Variants in STK32B observed in about 807,000 individuals in gnomAD.
STK32B encodes serine/threonine-protein kinase 32B.
A neutral mutation model predicts 52.6 loss-of-function variants in STK32B; 43 were observed. The observed-to-expected ratio is 0.82, with a 90% CI of 0.64 to 1.05. The LOEUF is 1.05. Among genes scored for constraint, STK32B ranks in the 50% least tolerant of loss-of-function variants. STK32B has a pLI of 0.00. For missense variants in STK32B, 621 were observed against 534.6 expected (o/e 1.16, Z -1.59); for synonymous variants, 238 against 204.3 (o/e 1.17, Z -1.41).
chr4:5,239,091 C>T (rs1367095343), intron 3 of STK32B, among the ~76,000 whole-genome samples: 3 of 152,062 alleles, frequency 2.0e-5, no homozygotes, highest in Non-Finnish European at 4.4e-5. Flanking sequence ...GCTGCAGGAG[C>T]AGTGCATGGG....
chr4:5,028,729 G>A, the STK32B span, among the ~76,000 whole-genome samples: 1 of 152,178 alleles, frequency 6.6e-6, no homozygotes, highest in Non-Finnish European at 1.5e-5. Flanking sequence ...TGTTACAGCA[G>A]TGTAATCTAG....
intron 6 of STK32B, among the ~76,000 whole-genome samples, chr4:5,419,526 C>T (rs1266882752): frequency 6.6e-6 from 1 of 152,216 alleles, no homozygotes; most frequent in Non-Finnish European, 1.5e-5. Context: ...CTACCAGCTT[C>T]AGCCGCTGTT....
intron 1 of STK32B, among the ~76,000 whole-genome samples, chr4:5,120,480 T>A (rs1714968474): frequency 1.3e-5 from 2 of 152,246 alleles, no homozygotes; most frequent in South Asian, 4.1e-4. Context: ...ATTGTTAATT[T>A]CTTACTGTGC....
At chr4:5,083,864 G>A (rs1712572353) in intron 1 of STK32B, among the ~76,000 whole-genome samples, 1 of 151,842 alleles carries the variant, frequency 6.6e-6, no homozygotes, top group Non-Finnish European at 1.5e-5. Context: ...GGCCTCCCAA[G>A]TACTGAGGTT....
chr4:5,071,814 G>T (rs1711796864), intron 1 of STK32B, among the ~76,000 whole-genome samples: 1 of 152,118 alleles, frequency 6.6e-6, no homozygotes, highest in Non-Finnish European at 1.5e-5. Flanking sequence ...TTAAACTGTG[G>T]CTATAAATCT....
At position 5,467,889 on chromosome 4, in the gene STK32B, C is replaced by A; in HGVS notation, c.1042-117C>A. On this transcript the variant is annotated intron_variant, in intron 10 of 11. Transcript: ENST00000282908. The surrounding 1 kb of genome is among the most constrained non-coding windows in gnomAD (Gnocchi z 5.8). ...CCCAGACACTTAGCTTGGCTTGTCC[C>A]GGTCCCAAGCATCTGAGGTTTCCAT... 1 of 1,171,790 alleles carries A rather than the reference C, an allele frequency of 8.5e-7. No homozygotes were observed. 72.6% of individuals were successfully genotyped at this position (1,171,790 alleles called of 1,614,324 possible).
At position 5,086,590 on chromosome 4, in the gene STK32B, C is replaced by T. The variant is rs11737832; in HGVS notation, c.52+34675C>T. On this transcript the variant is annotated intron_variant, in intron 1 of 11. Transcript: ENST00000282908. Reference sequence around the variant, plus strand: ...AAAGTAATCCAAATGTGACAAAAAACAATAAGCTACACTTCCAAGAAGCTC... The same window carrying T: ...AAAGTAATCCAAATGTGACAAAAAATAATAAGCTACACTTCCAAGAAGCTC... 6.2e-3 allele frequency among the ~76,000 whole-genome samples: 940 copies of T among 151,920 alleles called. 9 individuals carry two copies. Among genetic ancestry groups the T allele is most frequent in the South Asian group, 0.021 (99 of 4,802 alleles).
the STK32B span, chr4:5,019,419 C>G: frequency 5.4e-6 from 8 of 1,484,772 alleles, no homozygotes; most frequent in Non-Finnish European, 6.2e-6. Flanking sequence ...GCAGCAGCAG[C>G]ACGGGCAGAG....
the STK32B span, among the ~76,000 whole-genome samples, chr4:5,027,466 A>T: frequency 2.6e-5 from 4 of 152,264 alleles, no homozygotes; most frequent in East Asian, 7.7e-4. Flanking sequence ...TAGGAGAAAA[A>T]CTACAGGCTT....
chr4:5,308,105 C>G (rs1730048978), intron 3 of STK32B, among the ~76,000 whole-genome samples: 1 of 152,140 alleles, frequency 6.6e-6, no homozygotes, highest in African/African-American at 2.4e-5. Context: ...GTTGTTTAGC[C>G]TCCAGCCAGG....
At chr4:5,205,533 G>A (rs1033325677) in intron 3 of STK32B, among the ~76,000 whole-genome samples, 3 of 152,108 alleles carry the variant, frequency 2.0e-5, no homozygotes, top group Non-Finnish European at 4.4e-5. Context: ...GAGCCTGAGG[G>A]CCTCCCTGGC....
chr4:5,177,746 C>T (rs536065203), intron 3 of STK32B, among the ~76,000 whole-genome samples: 13 of 152,332 alleles, frequency 8.5e-5, no homozygotes, highest in Admixed American at 3.9e-4. Context: ...GGGCTACATG[C>T]CCCACACAAG....
At chr4:5,164,611 C>G (rs1412424237) in intron 2 of STK32B, among the ~76,000 whole-genome samples, 1 of 152,210 alleles carries the variant, frequency 6.6e-6, no homozygotes, top group East Asian at 1.9e-4. Flanking sequence ...TGGTCAGATT[C>G]TGGAGTGGGC....
intron 3 of STK32B, among the ~76,000 whole-genome samples, chr4:5,244,879 G>A (rs1234783952): frequency 6.6e-6 from 1 of 152,182 alleles, no homozygotes; most frequent in Non-Finnish European, 1.5e-5. Flanking sequence ...CCATGTAGTT[G>A]AGCGGTTTTG....
In STK32B at chr4:5,386,975, C is replaced by T. The variant is rs112253536; in HGVS notation, c.435-11232C>T. Among the ~76,000 whole-genome samples, 55 of 152,316 alleles carry T rather than the reference C, an allele frequency of 3.6e-4. No homozygotes were observed. Among genetic ancestry groups the T allele is most frequent in the African/African-American group, 8.9e-4 (37 of 41,578 alleles). On this transcript the variant is annotated intron_variant, in intron 4 of 11. Coordinates refer to ENST00000282908, the MANE Select transcript of STK32B (RefSeq NM_018401.3). The surrounding 1 kb of genome is among the most constrained non-coding windows in gnomAD (Gnocchi z 4.5). ...GAGTCGCAGCATCTCACAGGCCCAG[C>T]CACTTGGAGCCCGCTGGGAAGGCTG...
At chr4:5,205,314 G>T (rs1412895690) in intron 3 of STK32B, among the ~76,000 whole-genome samples, 1 of 152,174 alleles carries the variant, frequency 6.6e-6, no homozygotes, top group African/African-American at 2.4e-5. Context: ...GGACTATGGA[G>T]GCAGTACAAT....
At chr4:5,047,737 A>G (rs527811673), upstream of STK32B, among the ~76,000 whole-genome samples, 8 of 152,176 alleles carry the variant, frequency 5.3e-5, no homozygotes, top group Non-Finnish European at 2.9e-5. Context: ...TCAACGCATG[A>G]CCTGGAGACA....
At chr4:5,342,637 G>A (rs917191844) in intron 4 of STK32B, among the ~76,000 whole-genome samples, 9 of 152,204 alleles carry the variant, frequency 5.9e-5, no homozygotes, top group Non-Finnish European at 1.2e-4. Flanking sequence ...CTCCCAGCAG[G>A]CCCCACCTCC....
chr4:5,499,178 T>G lies in STK32B; in HGVS notation c.*95T>G. On this transcript the variant is annotated 3_prime_UTR_variant, in exon 12 of 12. Transcript: ENST00000282908. ...GCCCTGATGGTCCCTGTCTCACCCC[T>G]GAAAACATCAGATGCAGAAAAAGCC... 2.1e-6 allele frequency: 3 copies of G among 1,429,168 alleles called. No individual in the cohort carries two copies. Among genetic ancestry groups the G allele is most frequent in the Non-Finnish European group, 2.8e-6 (3 of 1,080,280 alleles). The allele number at this position is 1,429,168 out of a possible 1,614,324, so 88.5% of individuals were successfully genotyped here.
Sources: gnomAD v4.1 joint callset for allele counts (sites outside exome capture counted in the v4.1 genomes callset) on GRCh38, gnomAD v4.1.1 for gene constraint, Gnocchi (gnomAD v3.1) non-coding constraint, MANE v1.5 for transcripts, NCBI Gene and HGNC (gene_info 2026-07-23, HGNC 2026-07-21) for gene names.